Variants in ELMOD1 observed in about 807,000 individuals in gnomAD.
The protein encoded by ELMOD1 is ELMO domain containing 1.
ELMOD1 carries 21 observed loss-of-function variants against 46.7 expected under a neutral mutation model. That is an observed-to-expected ratio of 0.45 (90% confidence interval 0.32 to 0.65). ELMOD1 has a LOEUF of 0.65. ELMOD1 is among the 30% of genes least tolerant of loss of function. The pLI, the probability that ELMOD1 is intolerant of heterozygous loss-of-function variation, is 0.04. For synonymous variants in ELMOD1, 122 were observed against 138.2 expected (o/e 0.88, Z 0.82); for missense variants, 348 against 407.8 (o/e 0.85, Z 1.26).
At chr11:107,608,747 G>T (rs1455899518) in intron 1 of ELMOD1, among the ~76,000 whole-genome samples, 3 of 152,090 alleles carry the variant, frequency 2.0e-5, no homozygotes. Flanking sequence ...CAGGAAAGGA[G>T]AGAGTTTATT....
At chr11:107,603,454 G>A (rs996109745) in intron 1 of ELMOD1, among the ~76,000 whole-genome samples, 12 of 152,146 alleles carry the variant, frequency 7.9e-5, no homozygotes, top group Admixed American at 4.6e-4. Flanking sequence ...TGGGAGGATC[G>A]CTTAAACCCA....
chr11:107,619,076 T>A lies in ELMOD1; in HGVS notation c.17+870T>A, dbSNP rs138768579. 6.6e-4 allele frequency among the ~76,000 whole-genome samples: 101 copies of A among 152,316 alleles called. No homozygotes were observed. In the East Asian group the frequency reaches 0.019, roughly 29 times the overall value. On this transcript the variant is annotated intron_variant, in intron 2 of 11. Coordinates refer to ENST00000265840, the MANE Select transcript of ELMOD1 (RefSeq NM_018712.4). ...AGGCTTGCATCTTTTAAGAAATGAT[T>A]TGATTCCTACAATGGCCATAATTTA...
chr11:107,648,112 A>T (rs1866463443), intron 7 of ELMOD1, among the ~76,000 whole-genome samples: 1 of 152,192 alleles, frequency 6.6e-6, no homozygotes. Flanking sequence ...CGTCATCTTT[A>T]TCCAGTCCAT....
At chr11:107,624,696 G>T (rs1241578258) in intron 2 of ELMOD1, among the ~76,000 whole-genome samples, 2 of 152,064 alleles carry the variant, frequency 1.3e-5, no homozygotes, top group African/African-American at 2.4e-5. Context: ...GAATAATGTT[G>T]TTGTTAGTAA....
intron 1 of ELMOD1, among the ~76,000 whole-genome samples, chr11:107,601,331 CTT>C (rs35139867): frequency 0.12 from 18,128 of 145,560 alleles, 1,334 homozygotes; most frequent in African/African-American, 0.22. Flanking sequence ...TTATTTATAG[CTT>C]TTTTTTTGCA....
At chr11:107,622,726 G>C (rs990791131) in intron 2 of ELMOD1, among the ~76,000 whole-genome samples, 2 of 152,178 alleles carry the variant, frequency 1.3e-5, no homozygotes, top group Non-Finnish European at 2.9e-5. Flanking sequence ...ACGTGTAGTT[G>C]TTCCAGAATT....
At chr11:107,635,797 C>T (rs766666964) in intron 6 of ELMOD1, 32 bp downstream of exon 6, 8 of 1,589,352 alleles carry the variant, frequency 5.0e-6, no homozygotes, top group Non-Finnish European at 6.9e-6. Context: ...GGTTCTTCCT[C>T]TAAGTCAGCT....
intron 9 of ELMOD1, among the ~76,000 whole-genome samples, chr11:107,652,292 C>T (rs1192430507): frequency 1.3e-5 from 2 of 152,202 alleles, no homozygotes; most frequent in East Asian, 1.9e-4. Context: ...CCTGTCTATC[C>T]TTCAGCAAGC....
rs549620056 is a variant in ELMOD1 at position 107,592,576 on chromosome 11, G to A, written c.-86+1167G>A. 5 of 286,040 alleles carry A rather than the reference G, an allele frequency of 1.7e-5. No individual in the cohort carries two copies. In the South Asian group the frequency reaches 1.8e-4, roughly 10 times the overall value. 17.7% of individuals were successfully genotyped at this position (286,040 alleles called of 1,614,324 possible). A position where few individuals can be genotyped will look rare whatever the true frequency, so the allele number is the denominator to read the frequency against. On this transcript the variant is annotated intron_variant, in intron 1 of 11. Coordinates refer to ENST00000265840, the MANE Select transcript of ELMOD1 (RefSeq NM_018712.4). ...ACAACACGTAGTTACAGCAGACTTA[G>A]TCATTCCCTCCCCCAGAAGTTTTCT...
At position 107,630,516 on chromosome 11, in the gene ELMOD1, G is replaced by T; in HGVS notation, c.117G>T (p.Arg39=). The T allele has an allele frequency of 6.2e-7, 1 of 1,610,678 alleles. No homozygotes were observed. Among genetic ancestry groups the T allele is most frequent in the Non-Finnish European group, 8.5e-7 (1 of 1,178,412 alleles). The change falls in exon 3 of 12, where the codon CGG becomes CGT. Residue 39 remains arginine, a synonymous_variant. Coordinates refer to ENST00000265840, the MANE Select transcript of ELMOD1 (RefSeq NM_018712.4). The part of the protein sequence containing the change: ...RKLTGRCELQ[R]ICYNTKPGAS... The stretch of plus-strand genomic sequence containing the variant: ...TAACTGGAAGATGTGAACTACAACG[G>T]ATCTGTTATAATACCAAGCCGGGAG...
At chr11:107,662,672 C>T (rs1393728654) in intron 11 of ELMOD1, among the ~76,000 whole-genome samples, 1 of 150,036 alleles carries the variant, frequency 6.7e-6, no homozygotes, top group Non-Finnish European at 1.5e-5. Context: ...CACCTGTAAT[C>T]CCAGCACTTT....
At chr11:107,595,456 A>C (rs908585174) in intron 1 of ELMOD1, among the ~76,000 whole-genome samples, 1 of 152,176 alleles carries the variant, frequency 6.6e-6, no homozygotes, top group Non-Finnish European at 1.5e-5. Flanking sequence ...GAATGTATTG[A>C]TGTTGCTAAA....
At chr11:107,659,152 G>C (rs567251806) in intron 11 of ELMOD1, among the ~76,000 whole-genome samples, 2 of 152,308 alleles carry the variant, frequency 1.3e-5, no homozygotes, top group East Asian at 3.9e-4. Context: ...GTGGTGACTA[G>C]AGATGGCACT....
intron 1 of ELMOD1, among the ~76,000 whole-genome samples, chr11:107,601,391 T>G (rs2135651708): frequency 6.6e-6 from 1 of 151,110 alleles, no homozygotes; most frequent in African/African-American, 2.4e-5. Flanking sequence ...TTTTCTTATT[T>G]TCTATTAATG....
At chr11:107,642,534 AT>A (rs1240940024) in intron 6 of ELMOD1, among the ~76,000 whole-genome samples, 2 of 151,296 alleles carry the variant, frequency 1.3e-5, no homozygotes, top group Admixed American at 6.6e-5. Context: ...CACCCAGCTA[AT>A]TTTTTTTGTA....
chr11:107,658,000 A>C (rs1384617173), intron 11 of ELMOD1, among the ~76,000 whole-genome samples: 2 of 152,258 alleles, frequency 1.3e-5, no homozygotes, highest in Non-Finnish European at 2.9e-5. Flanking sequence ...AAACAAAAGA[A>C]GGCAGTTATT....
chr11:107,640,091 C>T (rs1866294892), intron 6 of ELMOD1, among the ~76,000 whole-genome samples: 1 of 152,154 alleles, frequency 6.6e-6, no homozygotes. Flanking sequence ...ACAACCTCCA[C>T]CTCCCAGGTT....
intron 1 of ELMOD1, among the ~76,000 whole-genome samples, 161 bp from the exon 2 acceptor site, chr11:107,617,944 G>A (rs568682190): frequency 6.6e-6 from 1 of 152,130 alleles, no homozygotes; most frequent in Non-Finnish European, 1.5e-5. Context: ...GTCTATACCT[G>A]TAACCTCTAT....
intron 11 of ELMOD1, among the ~76,000 whole-genome samples, chr11:107,657,283 C>T (rs1398659572): frequency 6.6e-6 from 1 of 152,196 alleles, no homozygotes; most frequent in Non-Finnish European, 1.5e-5. Flanking sequence ...GCACATCACA[C>T]CTGTAATCCC....
Sources: gnomAD v4.1 joint callset for allele counts (sites outside exome capture counted in the v4.1 genomes callset) on GRCh38, gnomAD v4.1.1 for gene constraint, MANE v1.5 for transcripts, NCBI Gene and HGNC (gene_info 2026-07-23, HGNC 2026-07-21) for gene names.